LAMA1: variants seen among roughly 807,000 people sequenced by gnomAD.
LAMA1 encodes the protein laminin subunit alpha-1.
LAMA1 carries 219 observed loss-of-function variants against 348.7 expected under a neutral mutation model. The ratio of observed to expected loss-of-function variants is 0.63; its 90% confidence interval spans 0.56 to 0.70. LAMA1 has a LOEUF of 0.70. Ranked by LOEUF, LAMA1 falls within the 30% of genes least tolerant of loss-of-function variation. The pLI, the probability that LAMA1 is intolerant of heterozygous loss-of-function variation, is 0.00. For missense variants in LAMA1, 3,744 were observed against 3,888.0 expected, an observed-to-expected ratio of 0.96 and a Z score of 0.99; for synonymous variants, 1,487 against 1,491.0, an observed-to-expected ratio of 1.00 and a Z score of 0.06.
rs2143954998 is a variant in LAMA1, at chr18:6,941,769, C to CT, written c.*309dup. The CT allele has an allele frequency of 1.1e-5, 4 of 366,946 alleles. No homozygotes were observed. Among genetic ancestry groups the CT allele is most frequent in the East Asian group, 1.3e-4 (2 of 15,258 alleles). The allele number at this position is 366,946 out of a possible 1,614,324, so 22.7% of individuals were successfully genotyped here. A position where few individuals can be genotyped will look rare whatever the true frequency, so the allele number is the denominator to read the frequency against. The stretch of plus-strand genomic sequence containing the variant: ...TGATCTGTTATCATCTGTATTGATA[C>CT]TTTTTTAAAAAGCTCAAAATGAAAA... On this transcript the variant is annotated 3_prime_UTR_variant, in exon 63 of 63. Coordinates refer to ENST00000389658, the MANE Select transcript of LAMA1 (RefSeq NM_005559.4).
At chr18:7,114,086 A>AAAC (rs987241656) in intron 1 of LAMA1, among the ~76,000 whole-genome samples, 1 of 151,998 alleles carries the variant, frequency 6.6e-6, no homozygotes, top group East Asian at 1.9e-4. Context: ...CAAAAAAAAA[A>AAAC]AAAAAAGAAA....
intron 22 of LAMA1, 92 bp from the exon 23 acceptor site, chr18:7,014,143 G>A: frequency 1.0e-6 from 1 of 996,614 alleles, no homozygotes; most frequent in Non-Finnish European, 1.6e-6. Flanking sequence ...ACTACATGTG[G>A]GGAAGTTCTA....
chr18:6,999,544 C>G lies in LAMA1; in HGVS notation c.4564G>C (p.Asp1522His). The G allele has an allele frequency of 6.2e-7, 1 of 1,614,116 alleles. No individual in the cohort carries two copies. Among genetic ancestry groups the G allele is most frequent in the South Asian group, 1.1e-5 (1 of 91,072 alleles). Residue 1522 changes from aspartate to histidine, a missense_variant, in exon 32 of 63, where the codon GAC (aspartate) becomes CAC (histidine). Coordinates refer to ENST00000389658, the MANE Select transcript of LAMA1 (RefSeq NM_005559.4). The part of the protein sequence containing the change: ...NPHGSVHGDC[D>H]RTSGQCVCRL... Reference sequence around the variant, plus strand: ...CAAACGCACTGCCCAGATGTGCGGTCACAGTCACCGTGGACAGAGCCGTGC... The same window carrying G: ...CAAACGCACTGCCCAGATGTGCGGTGACAGTCACCGTGGACAGAGCCGTGC...
chr18:7,050,630 T>A, intron 4 of LAMA1, 64 bp downstream of exon 4: 2 of 1,610,538 alleles, frequency 1.2e-6, no homozygotes, highest in South Asian at 2.2e-5. Flanking sequence ...AGATCAATTT[T>A]GAGTCTGAGA....
chr18:6,959,974 A>T (rs1349807495), intron 53 of LAMA1: 1 of 236,860 alleles, frequency 4.2e-6, no homozygotes, highest in Non-Finnish European at 8.4e-6. Context: ...GAGGTAGTTT[A>T]TACACTAGAA....
At position 6,991,869 on chromosome 18, in the gene LAMA1, CAT is replaced by C. The variant is rs2057760391; in HGVS notation, c.5168+690_5168+691del. 3.9e-5 allele frequency among the ~76,000 whole-genome samples: 6 copies of C among 152,314 alleles called. No individual in the cohort carries two copies. In the South Asian group the frequency reaches 1.0e-3, roughly 26 times the overall value. On this transcript the variant is annotated intron_variant, in intron 36 of 62. Transcript: ENST00000389658. ...AAAATATTAAAGTTTAAATATCTCA[CAT>C]GACTATATCATTTCATTAGATTATA...
chr18:7,026,557 A>G (rs1220191096), intron 16 of LAMA1, among the ~76,000 whole-genome samples: 7 of 152,214 alleles, frequency 4.6e-5, no homozygotes, highest in Admixed American at 3.9e-4. Context: ...ATCAGAATTA[A>G]TATCACCAGT....
intron 15 of LAMA1, 34 bp downstream of exon 15, chr18:7,032,950 C>T (rs753250329): frequency 6.7e-6 from 10 of 1,500,022 alleles, no homozygotes; most frequent in South Asian, 3.6e-5. Flanking sequence ...TAGGAAGGAA[C>T]GAAAGGAAAA....
intron 9 of LAMA1, among the ~76,000 whole-genome samples, chr18:7,040,929 A>G (rs1172230197): frequency 2.0e-5 from 3 of 152,200 alleles, no homozygotes; most frequent in Non-Finnish European, 4.4e-5. Context: ...CTAAGTTCAG[A>G]ATAGGTAAAT....
At chr18:6,983,740 C>A (rs1445062143) in intron 39 of LAMA1, among the ~76,000 whole-genome samples, 1 of 152,208 alleles carries the variant, frequency 6.6e-6, no homozygotes, top group East Asian at 1.9e-4. Flanking sequence ...GCTAATATTT[C>A]AATCAGCTTA....
intron 1 of LAMA1, among the ~76,000 whole-genome samples, chr18:7,082,909 C>T (rs8090138): frequency 0.34 from 48,932 of 143,870 alleles, 9,091 homozygotes; most frequent in East Asian, 0.53. Flanking sequence ...TCACCCCCAC[C>T]AGTTGCAGGA....
intron 29 of LAMA1, among the ~76,000 whole-genome samples, chr18:7,003,376 G>A (rs1331169527): frequency 6.6e-5 from 10 of 151,606 alleles, no homozygotes; most frequent in Admixed American, 3.3e-4. Flanking sequence ...TCAGCCTCCC[G>A]AGTAGCCGGG....
intron 4 of LAMA1, 73 bp from the exon 5 acceptor site, chr18:7,049,330 C>A: frequency 7.2e-7 from 1 of 1,391,464 alleles, no homozygotes; most frequent in Admixed American, 1.7e-5. Context: ...GATGGCGTCT[C>A]GCTCTTTGGT....
chr18:7,077,464 G>A (rs200382184), intron 3 of LAMA1, among the ~76,000 whole-genome samples: 9 of 151,788 alleles, frequency 5.9e-5, no homozygotes, highest in South Asian at 2.1e-4. Context: ...CTCAGCCTCC[G>A]AAAGTGCTGG....
At chr18:6,969,770 A>T (rs1159114466) in intron 48 of LAMA1, among the ~76,000 whole-genome samples, 1 of 152,106 alleles carries the variant, frequency 6.6e-6, no homozygotes, top group Non-Finnish European at 1.5e-5. Flanking sequence ...GGGTGTGTGG[A>T]AATCCGGAGG....
chr18:7,111,217 T>TA lies in LAMA1; in HGVS notation c.61+6442dup, dbSNP rs1328466636. On this transcript the variant is annotated intron_variant, in intron 1 of 62. Coordinates refer to ENST00000389658, the MANE Select transcript of LAMA1 (RefSeq NM_005559.4). ...GAGATTCAAACTTCAAATGGTTGAT[T>TA]AAAAAAAAAATGTGCACGCACACTG... Among the ~76,000 whole-genome samples the TA allele has an allele frequency of 3.8e-3, 567 of 150,230 alleles. 2 individuals carry two copies. The highest frequency in any genetic ancestry group is 0.013 in the African/African-American group (532 of 41,088).
chr18:7,021,125 G>A (rs1215397582), intron 19 of LAMA1, among the ~76,000 whole-genome samples: 4 of 151,958 alleles, frequency 2.6e-5, no homozygotes, highest in Non-Finnish European at 5.9e-5. Context: ...TCCCACGCTG[G>A]TCACTCTTCT....
Position 7,040,244 on chromosome 18 carries a change from G to A in LAMA1, c.1262-8C>T, listed in dbSNP as rs1193465714. 6.2e-7 allele frequency: 1 copy of A among 1,613,872 alleles called. No homozygotes were observed. Among genetic ancestry groups the A allele is most frequent in the Admixed American group, 1.7e-5 (1 of 59,994 alleles). Reference sequence around the variant, plus strand: ...ACTGACCTGGCTGCTTCCCTAGAAAGACAACAATGGCAATGACCCAACATG... The same window carrying A: ...ACTGACCTGGCTGCTTCCCTAGAAAAACAACAATGGCAATGACCCAACATG... On this transcript the variant is annotated splice_polypyrimidine_tract_variant and splice_region_variant and intron_variant, in intron 9 of 62. Coordinates refer to ENST00000389658, the MANE Select transcript of LAMA1 (RefSeq NM_005559.4).
intron 23 of LAMA1, among the ~76,000 whole-genome samples, chr18:7,013,053 C>T (rs376031389): frequency 1.1e-4 from 17 of 151,664 alleles, no homozygotes; most frequent in African/African-American, 3.9e-4. Flanking sequence ...CCCAGCTACT[C>T]GGGAGGCTGA....
Sources: gnomAD v4.1 joint callset for allele counts (sites outside exome capture counted in the v4.1 genomes callset) on GRCh38, gnomAD v4.1.1 for gene constraint, MANE v1.5 for transcripts, NCBI Gene and HGNC (gene_info 2026-07-23, HGNC 2026-07-21) for gene names.